Variants in EGFLAM observed in about 807,000 individuals in gnomAD.
The protein encoded by EGFLAM is pikachurin.
Under a neutral mutation model 113.1 loss-of-function variants are expected in EGFLAM, and 79 were observed. That is an observed-to-expected ratio of 0.70 (90% CI 0.58 to 0.84). The LOEUF (loss-of-function observed/expected upper bound fraction) is 0.84. EGFLAM is among the 40% of genes least tolerant of loss of function. EGFLAM has a pLI of 0.00. For missense variants in EGFLAM, 1,265 were observed against 1,291.6 expected, an observed-to-expected ratio of 0.98 and a Z score of 0.32; for synonymous variants, 504 against 487.6, an observed-to-expected ratio of 1.03 and a Z score of -0.44.
chr5:38,425,552 C>A (rs563656765), intron 13 of EGFLAM, among the ~76,000 whole-genome samples: 3 of 152,114 alleles, frequency 2.0e-5, no homozygotes, highest in Non-Finnish European at 4.4e-5. Context: ...ATGGGGGAAA[C>A]TTTTTAAACA....
chr5:38,343,188 G>A (rs184586311), intron 3 of EGFLAM, among the ~76,000 whole-genome samples: 1,845 of 152,176 alleles, frequency 0.012, 40 homozygotes, highest in African/African-American at 0.043. Flanking sequence ...TGGATCAACT[G>A]AGGTCAGGAG....
intron 18 of EGFLAM, 46 bp downstream of exon 18, chr5:38,448,425 T>G (rs780413805): frequency 2.5e-6 from 4 of 1,580,436 alleles, no homozygotes; most frequent in Admixed American, 1.7e-5. Flanking sequence ...TGGGGGTAAA[T>G]TTCTCTATAT....
intron 6 of EGFLAM, among the ~76,000 whole-genome samples, chr5:38,375,997 A>T (rs72740334): frequency 0.012 from 1,820 of 152,296 alleles, 19 homozygotes; most frequent in Non-Finnish European, 0.016. Context: ...TTTGTTTCCA[A>T]GAGGAAATTC....
intron 12 of EGFLAM, among the ~76,000 whole-genome samples, chr5:38,418,536 A>C (rs1741728186): frequency 6.6e-6 from 1 of 152,220 alleles, no homozygotes; most frequent in South Asian, 2.1e-4. Flanking sequence ...GAAATATGGC[A>C]TGGTCTTACT....
intron 16 of EGFLAM, 70 bp downstream of exon 16, chr5:38,435,323 C>G: frequency 7.7e-6 from 9 of 1,172,632 alleles, no homozygotes; most frequent in Non-Finnish European, 1.1e-5. Flanking sequence ...GGATTATGAT[C>G]AGTGTCATCT....
At chr5:38,348,426 G>A (rs987849796) in intron 3 of EGFLAM, among the ~76,000 whole-genome samples, 3 of 152,170 alleles carry the variant, frequency 2.0e-5, no homozygotes, top group Middle Eastern at 3.2e-3. Flanking sequence ...GGAGGAACAC[G>A]AGAAGTAGAA....
At chr5:38,385,700 T>C (rs993368879) in intron 6 of EGFLAM, among the ~76,000 whole-genome samples, 17 of 152,238 alleles carry the variant, frequency 1.1e-4, no homozygotes, top group African/African-American at 2.4e-5. Flanking sequence ...TTGTATTTTC[T>C]CATACCCTTC....
At chr5:38,411,197 A>T (rs1265990464) in intron 10 of EGFLAM, among the ~76,000 whole-genome samples, 2 of 152,152 alleles carry the variant, frequency 1.3e-5, no homozygotes, top group Non-Finnish European at 2.9e-5. Flanking sequence ...TGGGAGGCCA[A>T]GGTGGGCGGA....
intron 6 of EGFLAM, among the ~76,000 whole-genome samples, chr5:38,393,908 C>T (rs1740883508): frequency 1.3e-5 from 2 of 152,212 alleles, no homozygotes; most frequent in African/African-American, 4.8e-5. Flanking sequence ...AATCAGGTCA[C>T]ACAAACTGTT....
intron 1 of EGFLAM, among the ~76,000 whole-genome samples, chr5:38,259,954 G>T (rs1298105246): frequency 6.6e-6 from 1 of 152,164 alleles, no homozygotes; most frequent in Non-Finnish European, 1.5e-5. Context: ...AATATGACTT[G>T]TTGCATTTCG....
intron 9 of EGFLAM, among the ~76,000 whole-genome samples, chr5:38,408,504 TCTTCAA>T (rs1741366577): frequency 1.3e-5 from 2 of 152,068 alleles, no homozygotes; most frequent in Non-Finnish European, 2.9e-5. Flanking sequence ...CAGTGTTGAG[TCTTCAA>T]GAAATGACCT....
chr5:38,433,798 CCACA>C (rs1237380436), intron 15 of EGFLAM, among the ~76,000 whole-genome samples: 4 of 152,190 alleles, frequency 2.6e-5, no homozygotes, highest in Non-Finnish European at 5.9e-5. Context: ...TTCTGCTGGG[CCACA>C]AGAATTCCTG....
chr5:38,418,050 G>A lies in EGFLAM; in HGVS notation c.1495-16G>A. The stretch of plus-strand genomic sequence containing the variant: ...TGTTTAGTGAGAGTATTCATGAGTG[G>A]TCATCTTTCTTAAAGGGCCAATACA... On this transcript the variant is annotated splice_polypyrimidine_tract_variant and intron_variant, in intron 11 of 21. Transcript: ENST00000322350. 6.2e-7 allele frequency: 1 copy of A among 1,604,082 alleles called. No homozygotes were observed. Among genetic ancestry groups the A allele is most frequent in the Non-Finnish European group, 8.5e-7 (1 of 1,174,198 alleles).
intron 6 of EGFLAM, among the ~76,000 whole-genome samples, chr5:38,395,863 G>A (rs77213042): frequency 0.048 from 7,340 of 151,936 alleles, 588 homozygotes; most frequent in African/African-American, 0.17. Context: ...GTCAATTTTC[G>A]GTTAGTTACC....
rs759774711 is a variant in EGFLAM at position 38,435,201 on chromosome 5, A to G, written c.2231A>G (p.Asp744Gly). Residue 744 changes from aspartate to glycine, a missense_variant, in exon 16 of 22, where the codon GAT becomes GGT. Transcript: ENST00000322350. Reference protein sequence around the residue: ...IFIGGVPNYDDVKKNSGVLKP... With the variant: ...IFIGGVPNYDGVKKNSGVLKP... ...ATTGGCGGAGTCCCCAATTATGATG[A>G]TGTGAAGAAGAACTCGGGTGTCCTG... The G allele has an allele frequency of 1.2e-6, 2 of 1,614,172 alleles. No individual in the cohort carries two copies. Among genetic ancestry groups the G allele is most frequent in the Admixed American group, 1.7e-5 (1 of 60,028 alleles).
chr5:38,306,241 A>AT (rs1011317141), intron 1 of EGFLAM, among the ~76,000 whole-genome samples: 9 of 152,222 alleles, frequency 5.9e-5, no homozygotes, highest in Non-Finnish European at 1.2e-4. Flanking sequence ...AATTACTGTG[A>AT]TTTTTTTAAA....
intron 5 of EGFLAM, among the ~76,000 whole-genome samples, chr5:38,352,795 G>C (rs1167486569): frequency 6.6e-6 from 1 of 152,154 alleles, no homozygotes; most frequent in East Asian, 1.9e-4. Context: ...GGCCAGTAAT[G>C]ATCTCCACAC....
intron 14 of EGFLAM, among the ~76,000 whole-genome samples, chr5:38,429,457 T>TGA (rs1742118902): frequency 6.6e-6 from 1 of 152,198 alleles, no homozygotes. Context: ...TTTCTAAAGA[T>TGA]GATCCAGGAC....
chr5:38,442,370 A>G (rs1322350164), intron 17 of EGFLAM, among the ~76,000 whole-genome samples: 2 of 147,764 alleles, frequency 1.4e-5, no homozygotes, highest in South Asian at 4.2e-4. Flanking sequence ...TTAACATAAT[A>G]TGTTAATATT....
Sources: allele counts gnomAD v4.1 joint callset (sites outside exome capture counted in the v4.1 genomes callset), GRCh38; gene constraint gnomAD v4.1.1; transcripts MANE v1.5; gene names NCBI Gene and HGNC (gene_info 2026-07-23, HGNC 2026-07-21).